The following CCDC170 variants were observed in gnomAD, a reference collection of about 807,000 sequenced individuals.
CCDC170 encodes the protein coiled-coil domain-containing protein 170.
In CCDC170, 69 loss-of-function variants were observed where a neutral mutation model predicts 72.6. That is an observed-to-expected ratio of 0.95 (90% CI 0.78 to 1.16). The LOEUF (loss-of-function observed/expected upper bound fraction) is 1.16, where lower values mean the gene tolerates loss of function less well. Among genes scored for constraint, CCDC170 ranks in the 50% most tolerant of loss-of-function variants. CCDC170 has a pLI of 0.00. For missense variants in CCDC170, 852 were observed against 832.5 expected (o/e 1.02, Z -0.29); for synonymous variants, 300 against 303.9 (o/e 0.99, Z 0.13).
chr6:151,598,423 G>T (rs550698321), intron 9 of CCDC170, among the ~76,000 whole-genome samples: 5 of 152,310 alleles, frequency 3.3e-5, no homozygotes, highest in Non-Finnish European at 7.4e-5. Context: ...TACAGGAGCA[G>T]ATGGGGGTGT....
At position 151,620,204 on chromosome 6, in the gene CCDC170, A is replaced by AAAAAAG. The variant is rs1554227838; in HGVS notation, c.*2059_*2060insAAAGAA. 2 of 149,670 alleles carry AAAAAAG rather than the reference A, an allele frequency of 1.3e-5. No individual in the cohort carries two copies. Among genetic ancestry groups the AAAAAAG allele is most frequent in the African/African-American group, 2.4e-5 (1 of 40,940 alleles). 9.3% of individuals were successfully genotyped at this position (149,670 alleles called of 1,614,324 possible). On this transcript the variant is annotated 3_prime_UTR_variant, in exon 11 of 11. Coordinates refer to ENST00000239374, the MANE Select transcript of CCDC170 (RefSeq NM_025059.4). Reference sequence around the variant, plus strand: ...TGGATGATTCCAAAAAAAAAAAAAAAAAGAAGAAAGAGAGAAAGAAAGAAA... The same window carrying AAAAAAG: ...TGGATGATTCCAAAAAAAAAAAAAAAAAAAAGAAGAAGAAAGAGAGAAAGAAAGAAA...
intron 5 of CCDC170, among the ~76,000 whole-genome samples, chr6:151,564,396 G>A (rs1776094392): frequency 6.6e-6 from 1 of 152,118 alleles, no homozygotes; most frequent in South Asian, 2.1e-4. Context: ...GATGGGAACA[G>A]CAGTGGGCCA....
rs150128268 is a variant in CCDC170, at chr6:151,562,364, A to G, written c.775-10810A>G. The stretch of plus-strand genomic sequence containing the variant: ...GTTGCTTCTTATTTTTGAATTTGCT[A>G]TTGTTTGAATGGGACTTCTTTTTTA... On this transcript the variant is annotated intron_variant, in intron 5 of 10. Transcript: ENST00000239374. 5.0e-3 allele frequency among the ~76,000 whole-genome samples: 757 copies of G among 152,096 alleles called. 6 individuals are homozygous for G. Among genetic ancestry groups the G allele is most frequent in the African/African-American group, 0.017 (720 of 41,488 alleles).
At chr6:151,597,075 C>G (rs1423349474) in intron 9 of CCDC170, among the ~76,000 whole-genome samples, 1 of 152,220 alleles carries the variant, frequency 6.6e-6, no homozygotes, top group African/African-American at 2.4e-5. Context: ...ATCCGCCCGC[C>G]TTGGCCTCCC....
intron 6 of CCDC170, among the ~76,000 whole-genome samples, chr6:151,574,936 G>A (rs1197170306): frequency 1.3e-5 from 2 of 151,976 alleles, no homozygotes; most frequent in Non-Finnish European, 2.9e-5. Context: ...TTCATAATGT[G>A]TTGGTGGCCT....
At chr6:151,547,480 C>T (rs1321094616) in intron 4 of CCDC170, among the ~76,000 whole-genome samples, 6 of 152,000 alleles carry the variant, frequency 3.9e-5, no homozygotes, top group African/African-American at 1.4e-4. Context: ...TTTTGAGGGC[C>T]ATTGAGGAGA....
At chr6:151,568,843 ATATT>A (rs1402432391) in intron 5 of CCDC170, among the ~76,000 whole-genome samples, 1 of 152,190 alleles carries the variant, frequency 6.6e-6, no homozygotes, top group Non-Finnish European at 1.5e-5. Context: ...ATATCAAAGA[ATATT>A]CATGTAGTAT....
chr6:151,600,739 A>G (rs1776693645), intron 9 of CCDC170, among the ~76,000 whole-genome samples: 1 of 152,156 alleles, frequency 6.6e-6, no homozygotes, highest in African/African-American at 2.4e-5. Flanking sequence ...AATGAGAAAT[A>G]TTTACATGCC....
chr6:151,548,598 T>TA (rs397825724), intron 5 of CCDC170, 109 bp downstream of exon 5: 1 of 1,018,136 alleles, frequency 9.8e-7, no homozygotes, highest in Non-Finnish European at 1.3e-6. Context: ...CGATTTTTTT[T>TA]ATTGATCACA....
chr6:151,573,177 C>A lies in CCDC170; in HGVS notation c.778C>A (p.Leu260Met), dbSNP rs1009980178. The change falls in exon 6 of 11, where the codon CTG becomes ATG. Residue 260 changes from leucine to methionine, a missense_variant. Transcript: ENST00000239374. ...TEEKEKLNQD[L>M]LSAVEAKEAL... is the part of the protein sequence containing the mutation. Reference sequence around the variant, plus strand: ...TCACTTTCTGTAATCATTTTAGGACCTGCTCAGTGCTGTAGAAGCAAAAGA... The same window carrying A: ...TCACTTTCTGTAATCATTTTAGGACATGCTCAGTGCTGTAGAAGCAAAAGA... 6.2e-6 allele frequency: 10 copies of A among 1,609,588 alleles called. No homozygotes were observed. Among genetic ancestry groups the A allele is most frequent in the Non-Finnish European group, 8.5e-6 (10 of 1,178,058 alleles).
chr6:151,548,590 A>T (rs1583021206), intron 5 of CCDC170, 101 bp downstream of exon 5: 1 of 896,836 alleles, frequency 1.1e-6, no homozygotes, highest in Admixed American at 3.4e-5. Context: ...ACTGATTACG[A>T]TTTTTTTTAT....
At chr6:151,539,489 T>G (rs1232925172) in intron 3 of CCDC170, among the ~76,000 whole-genome samples, 1 of 152,204 alleles carries the variant, frequency 6.6e-6, no homozygotes, top group African/African-American at 2.4e-5. Context: ...CTAGGTTTTT[T>G]CTTTTTCTAA....
At chr6:151,510,879 G>T (rs1782136912) in intron 1 of CCDC170, among the ~76,000 whole-genome samples, 1 of 152,012 alleles carries the variant, frequency 6.6e-6, no homozygotes, top group Non-Finnish European at 1.5e-5. Flanking sequence ...GGGATTACAG[G>T]TGCCTGCCAC....
intron 3 of CCDC170, among the ~76,000 whole-genome samples, chr6:151,539,483 GT>G (rs1252264549): frequency 6.6e-6 from 1 of 152,192 alleles, no homozygotes; most frequent in Middle Eastern, 3.4e-3. Flanking sequence ...ACATGCCTAG[GT>G]TTTTTCTTTT....
chr6:151,588,405 T>G (rs1439586694), intron 7 of CCDC170, among the ~76,000 whole-genome samples: 1 of 152,166 alleles, frequency 6.6e-6, no homozygotes, highest in African/African-American at 2.4e-5. Flanking sequence ...AAGCAAAAAG[T>G]CCTCGCCTTC....
At chr6:151,566,637 A>C (rs962601290) in intron 5 of CCDC170, among the ~76,000 whole-genome samples, 31 of 152,212 alleles carry the variant, frequency 2.0e-4, no homozygotes, top group Admixed American at 1.2e-3. Flanking sequence ...GAGAGAAAGA[A>C]TAGAATTACC....
chr6:151,531,952 G>A (rs1767020125), intron 1 of CCDC170, among the ~76,000 whole-genome samples: 1 of 152,148 alleles, frequency 6.6e-6, no homozygotes, highest in South Asian at 2.1e-4. Context: ...GTATGTTTAT[G>A]GGAACTACAA....
Position 151,618,055 on chromosome 6 carries a change from C to T in CCDC170, c.2056C>T (p.His686Tyr), listed in dbSNP as rs1156485368. 1.9e-6 allele frequency: 3 copies of T among 1,614,184 alleles called. No individual in the cohort carries two copies. The highest frequency in any genetic ancestry group is 2.5e-6 in the Non-Finnish European group (3 of 1,180,038). Residue 686 changes from histidine to tyrosine, a missense_variant, in exon 11 of 11, where the codon CAT (histidine) becomes TAT (tyrosine). Transcript: ENST00000239374. Reference protein sequence around the residue: ...IKCLERLVHSHQHHFVTCACL... With the variant: ...IKCLERLVHSYQHHFVTCACL... ...GTGTCTTGAAAGATTGGTCCATTCACATCAGCATCACTTTGTTACCTGTGC... is the reference window on the plus strand; with the variant it reads ...GTGTCTTGAAAGATTGGTCCATTCATATCAGCATCACTTTGTTACCTGTGC...
chr6:151,568,928 T>C (rs1393245431), intron 5 of CCDC170, among the ~76,000 whole-genome samples: 1 of 152,238 alleles, frequency 6.6e-6, no homozygotes, highest in Non-Finnish European at 1.5e-5. Context: ...ACCTATCTTA[T>C]AGATATATCC....
Sources: allele counts gnomAD v4.1 joint callset (sites outside exome capture counted in the v4.1 genomes callset), GRCh38; gene constraint gnomAD v4.1.1; transcripts MANE v1.5; gene names NCBI Gene and HGNC (gene_info 2026-07-23, HGNC 2026-07-21).